The following AIG1 variants were observed in gnomAD, a reference collection of about 807,000 sequenced individuals.
AIG1 encodes androgen-induced gene 1 protein.
Under a neutral mutation model 31.4 loss-of-function variants are expected in AIG1, and 23 were observed. The ratio of observed to expected loss-of-function variants is 0.73; its 90% CI spans 0.53 to 1.04. The LOEUF is 1.04. AIG1 is among the 50% of genes least tolerant of loss of function. The pLI is 0.00. For missense variants in AIG1, 274 were observed against 295.0 expected, an observed-to-expected ratio of 0.93 and a Z score of 0.52; for synonymous variants, 100 against 110.5, an observed-to-expected ratio of 0.90 and a Z score of 0.60.
chr6:143,133,751 G>A (rs1333026624), intron 1 of AIG1, among the ~76,000 whole-genome samples: 2 of 152,116 alleles, frequency 1.3e-5, no homozygotes, highest in Non-Finnish European at 2.9e-5. Flanking sequence ...TAGGTGAACA[G>A]TTGTAGTGAA....
intron 1 of AIG1, among the ~76,000 whole-genome samples, chr6:143,081,577 A>T (rs933198898): frequency 2.0e-5 from 3 of 151,554 alleles, no homozygotes; most frequent in Non-Finnish European, 2.9e-5. Flanking sequence ...AAGGCAGGGG[A>T]TTATTTCTTT....
rs144704078 is a variant in AIG1, at chr6:143,267,141, G to A, written c.400-16969G>A. 1.1e-4 allele frequency among the ~76,000 whole-genome samples: 17 copies of A among 152,164 alleles called. No individual in the cohort carries two copies. The East Asian group carries it at 3.3e-3, about 29-fold the overall frequency. ...TTCAAACATCTTTGTTCAAATTCTG[G>A]AAGTCATGGTGCTTCCCCCAGACTG... On this transcript the variant is annotated intron_variant, in intron 3 of 5. Transcript: ENST00000357847.
chr6:143,100,175 G>A (rs541897729), intron 1 of AIG1, among the ~76,000 whole-genome samples: 10 of 152,268 alleles, frequency 6.6e-5, no homozygotes, highest in African/African-American at 2.4e-4. Flanking sequence ...TGCTTGTGCT[G>A]GTACTTTCTA....
rs143249703 is a variant in AIG1, at chr6:143,086,837, C to T, written c.141+25771C>T. Among the ~76,000 whole-genome samples the T allele has an allele frequency of 6.5e-4, 99 of 152,278 alleles. 1 individual carries two copies. In the East Asian group the frequency reaches 0.015, roughly 23 times the overall value. On this transcript the variant is annotated intron_variant, in intron 1 of 5. Coordinates refer to ENST00000357847, the MANE Select transcript of AIG1 (RefSeq NM_016108.4). ...AGGTCAGAAGGAAAGATGGGGCGCA[C>T]GCATGGGCAACTGTTGAAGAGAGAC...
intron 3 of AIG1, among the ~76,000 whole-genome samples, chr6:143,282,201 T>C (rs1797383744): frequency 6.6e-6 from 1 of 152,134 alleles, no homozygotes; most frequent in Non-Finnish European, 1.5e-5. Context: ...GAATGAAGGG[T>C]AGAACTTAAG....
At chr6:143,231,856 G>A (rs944352900) in intron 3 of AIG1, among the ~76,000 whole-genome samples, 7 of 152,276 alleles carry the variant, frequency 4.6e-5, no homozygotes, top group South Asian at 4.2e-4. Flanking sequence ...GATAGCATAC[G>A]TATAGATGAT....
intron 3 of AIG1, among the ~76,000 whole-genome samples, chr6:143,201,595 AC>A (rs762726214): frequency 2.0e-5 from 3 of 152,148 alleles, no homozygotes; most frequent in Non-Finnish European, 2.9e-5. Context: ...AGTAGAAGGG[AC>A]CCTACGAATA....
intron 1 of AIG1, among the ~76,000 whole-genome samples, chr6:143,088,346 G>T (rs1436223737): frequency 1.3e-5 from 2 of 151,894 alleles, no homozygotes; most frequent in Non-Finnish European, 2.9e-5. Context: ...CTATAGAATA[G>T]GAAAATATAC....
chr6:143,246,706 T>A (rs1794647190), intron 3 of AIG1, among the ~76,000 whole-genome samples: 1 of 152,262 alleles, frequency 6.6e-6, no homozygotes, highest in Admixed American at 6.5e-5. Flanking sequence ...TGTAATGTTC[T>A]GTGTGTTTTA....
At chr6:143,214,925 T>C in intron 3 of AIG1, among the ~76,000 whole-genome samples, 1 of 152,344 alleles carries the variant, frequency 6.6e-6, no homozygotes, top group South Asian at 2.1e-4. Flanking sequence ...AAGCCTTTCC[T>C]ATGTGCTTTC....
chr6:143,318,000 A>G (rs1775904670), intron 4 of AIG1, among the ~76,000 whole-genome samples: 1 of 152,136 alleles, frequency 6.6e-6, no homozygotes, highest in Non-Finnish European at 1.5e-5. Flanking sequence ...ATTATAGACT[A>G]CACAAACAAA....
intron 2 of AIG1, among the ~76,000 whole-genome samples, chr6:143,158,393 C>A (rs893712363): frequency 8.5e-5 from 13 of 152,204 alleles, no homozygotes; most frequent in Non-Finnish European, 1.9e-4. Flanking sequence ...CCTCTCTGTT[C>A]TGCTCACTAA....
chr6:143,270,351 C>G (rs2128666580), intron 3 of AIG1, among the ~76,000 whole-genome samples: 1 of 152,306 alleles, frequency 6.6e-6, no homozygotes, highest in South Asian at 2.1e-4. Context: ...GAGCAAAGAC[C>G]TGAAAAAGGC....
chr6:143,060,552 C>A, upstream of AIG1: 1 of 324,316 alleles, frequency 3.1e-6, no homozygotes, highest in Non-Finnish European at 7.0e-6. Context: ...CTTCCCGAGC[C>A]CTCGTAGCAC....
intron 1 of AIG1, among the ~76,000 whole-genome samples, chr6:143,071,792 G>C (rs935912656): frequency 2.0e-5 from 3 of 149,886 alleles, no homozygotes; most frequent in Non-Finnish European, 3.0e-5. Context: ...GTGTGTGTGT[G>C]TATGTGTGTG....
chr6:143,110,056 G>A (rs1781135702), intron 1 of AIG1, among the ~76,000 whole-genome samples: 1 of 152,116 alleles, frequency 6.6e-6, no homozygotes, highest in Admixed American at 6.5e-5. Flanking sequence ...ATAATGTGAG[G>A]TAGGAGGCAA....
chr6:143,203,141 A>T (rs546216220), intron 3 of AIG1, among the ~76,000 whole-genome samples: 43 of 152,306 alleles, frequency 2.8e-4, no homozygotes, highest in African/African-American at 9.4e-4. Flanking sequence ...CTCTAATTTG[A>T]TCATGTTTAA....
intron 2 of AIG1, among the ~76,000 whole-genome samples, chr6:143,160,109 C>G (rs1482369403): frequency 2.0e-5 from 3 of 152,172 alleles, no homozygotes; most frequent in Non-Finnish European, 4.4e-5. Context: ...ATTTCCTCCC[C>G]TCTTCCCTCT....
chr6:143,218,980 A>G (rs1430077161), intron 3 of AIG1, among the ~76,000 whole-genome samples: 2 of 152,190 alleles, frequency 1.3e-5, no homozygotes, highest in Non-Finnish European at 2.9e-5. Context: ...GGTTCTGAGG[A>G]AACCTCTGTG....
Sources: allele counts gnomAD v4.1 joint callset (sites outside exome capture counted in the v4.1 genomes callset), GRCh38; gene constraint gnomAD v4.1.1; transcripts MANE v1.5; gene names NCBI Gene and HGNC (gene_info 2026-07-23, HGNC 2026-07-21).